The following STXBP5L variants were observed in gnomAD, a reference collection of about 807,000 sequenced individuals.
STXBP5L encodes the protein syntaxin binding protein 5L.
STXBP5L carries 65 observed loss-of-function variants against 144.5 expected under a neutral mutation model. That is an observed-to-expected ratio of 0.45 (90% CI 0.37 to 0.55). STXBP5L has a LOEUF of 0.55. STXBP5L is among the 20% of genes least tolerant of loss of function. STXBP5L has a pLI of 0.00. For synonymous variants in STXBP5L, 505 were observed against 469.6 expected (o/e 1.08, Z -0.97); for missense variants, 1,298 against 1,405.5 (o/e 0.92, Z 1.22).
rs185626936 is a variant in STXBP5L at position 121,247,569 on chromosome 3, G to T, written c.1401-3154G>T. ...TCCCAGTTATATGTGAGAACATGTG[G>T]TATTTAGTTTTCTGTTCCTGTGCTG... is the stretch of plus-strand genomic sequence containing the variant. On this transcript the variant is annotated intron_variant, in intron 14 of 26. Coordinates refer to ENST00000471454, the MANE Select transcript of STXBP5L (RefSeq NM_001308330.2). 2.6e-5 allele frequency among the ~76,000 whole-genome samples: 4 copies of T among 152,246 alleles called. No homozygotes were observed. In the East Asian group the frequency reaches 5.8e-4, roughly 22 times the overall value.
chr3:121,288,793 T>C (rs1301153353), intron 19 of STXBP5L, among the ~76,000 whole-genome samples: 1 of 152,256 alleles, frequency 6.6e-6, no homozygotes, highest in Non-Finnish European at 1.5e-5. Context: ...GAAGGTTGTC[T>C]GTATACTCTG....
At chr3:121,215,033 T>A (rs2048724504) in intron 10 of STXBP5L, among the ~76,000 whole-genome samples, 1 of 152,170 alleles carries the variant, frequency 6.6e-6, no homozygotes, top group African/African-American at 2.4e-5. Context: ...CCCCTGCTTT[T>A]TTTTTTCTTT....
At chr3:121,319,471 A>G (rs2043897173) in intron 20 of STXBP5L, among the ~76,000 whole-genome samples, 1 of 152,160 alleles carries the variant, frequency 6.6e-6, no homozygotes, top group Non-Finnish European at 1.5e-5. Flanking sequence ...AATCTAGGCT[A>G]TGTATAATCT....
At chr3:120,977,644 G>T (rs968898954) in intron 3 of STXBP5L, among the ~76,000 whole-genome samples, 1 of 152,080 alleles carries the variant, frequency 6.6e-6, no homozygotes, top group African/African-American at 2.4e-5. Flanking sequence ...TAGCTTCGAT[G>T]GTCTTTACAA....
At chr3:121,062,501 G>C (rs544648906) in intron 5 of STXBP5L, among the ~76,000 whole-genome samples, 23 of 152,334 alleles carry the variant, frequency 1.5e-4, no homozygotes, top group African/African-American at 5.1e-4. Flanking sequence ...TTCTCAAGGA[G>C]TATCTTTGTG....
chr3:121,315,510 C>G (rs2043752903), intron 19 of STXBP5L, among the ~76,000 whole-genome samples: 1 of 150,536 alleles, frequency 6.6e-6, no homozygotes, highest in South Asian at 2.1e-4. Flanking sequence ...GGAGGGATAG[C>G]ATTAGGAGAT....
At chr3:120,980,328 C>A (rs1423964580) in intron 3 of STXBP5L, among the ~76,000 whole-genome samples, 1 of 152,024 alleles carries the variant, frequency 6.6e-6, no homozygotes, top group African/African-American at 2.4e-5. Context: ...GTTGAAATCC[C>A]CCACTATTAT....
chr3:121,345,705 C>G (rs934194530), intron 20 of STXBP5L, among the ~76,000 whole-genome samples: 2 of 152,080 alleles, frequency 1.3e-5, no homozygotes, highest in Non-Finnish European at 2.9e-5. Flanking sequence ...GCCATTCTAA[C>G]TGGCATGAGA....
intron 11 of STXBP5L, among the ~76,000 whole-genome samples, chr3:121,229,100 G>A (rs2049217814): frequency 6.6e-6 from 1 of 151,998 alleles, no homozygotes; most frequent in African/African-American, 2.4e-5. Flanking sequence ...ACCATCTATG[G>A]ATTACTGAGA....
chr3:121,106,587 G>A (rs1049322639), intron 5 of STXBP5L, among the ~76,000 whole-genome samples: 1 of 151,916 alleles, frequency 6.6e-6, no homozygotes, highest in Non-Finnish European at 1.5e-5. Context: ...ATTCTTTTTT[G>A]GCTGCATAGT....
chr3:121,054,068 A>C (rs376868071), intron 5 of STXBP5L, among the ~76,000 whole-genome samples: 1 of 151,868 alleles, frequency 6.6e-6, no homozygotes, highest in Admixed American at 6.6e-5. Flanking sequence ...TTAGAATGGC[A>C]ATCATTAAAA....
chr3:121,316,268 G>T (rs1332487193), intron 19 of STXBP5L, among the ~76,000 whole-genome samples: 5 of 152,150 alleles, frequency 3.3e-5, no homozygotes, highest in Non-Finnish European at 7.4e-5. Flanking sequence ...TCCATATTCA[G>T]TTCAGTTCCT....
intron 7 of STXBP5L, among the ~76,000 whole-genome samples, chr3:121,147,158 C>G (rs964897464): frequency 6.6e-6 from 1 of 152,024 alleles, no homozygotes; most frequent in African/African-American, 2.4e-5. Context: ...GCAGACCACA[C>G]ATTATTTTCA....
chr3:120,994,328 T>A (rs1943168813), intron 3 of STXBP5L, among the ~76,000 whole-genome samples: 1 of 152,100 alleles, frequency 6.6e-6, no homozygotes, highest in South Asian at 2.1e-4. Context: ...TACTATGTTT[T>A]ATGGATGTGG....
intron 20 of STXBP5L, among the ~76,000 whole-genome samples, chr3:121,367,602 T>TTG (rs2045900250): frequency 7.2e-6 from 1 of 138,708 alleles, no homozygotes; most frequent in South Asian, 2.4e-4. Context: ...CTTGTTTTTT[T>TTG]TTTTTTTTTT....
At chr3:120,984,348 G>A (rs1305127059) in intron 3 of STXBP5L, among the ~76,000 whole-genome samples, 3 of 152,140 alleles carry the variant, frequency 2.0e-5, no homozygotes, top group Non-Finnish European at 2.9e-5. Flanking sequence ...GAGTTCTGGT[G>A]AACTCAGGAT....
intron 5 of STXBP5L, among the ~76,000 whole-genome samples, chr3:121,083,886 G>A (rs1374370599): frequency 2.0e-5 from 3 of 152,098 alleles, no homozygotes; most frequent in Admixed American, 1.3e-4. Flanking sequence ...ATGTATTTGT[G>A]TGGAGTTGTT....
intron 20 of STXBP5L, among the ~76,000 whole-genome samples, chr3:121,352,809 G>T (rs1293751069): frequency 6.6e-6 from 1 of 152,018 alleles, no homozygotes; most frequent in East Asian, 1.9e-4. Flanking sequence ...TATGATATTG[G>T]GTGTGGGTTT....
intron 9 of STXBP5L, among the ~76,000 whole-genome samples, chr3:121,192,222 T>A (rs2047724646): frequency 6.6e-6 from 1 of 152,176 alleles, no homozygotes; most frequent in Non-Finnish European, 1.5e-5. Context: ...CCATTCACAA[T>A]TGCTTCAAAG....
Sources: gnomAD v4.1 joint callset for allele counts (sites outside exome capture counted in the v4.1 genomes callset) on GRCh38, gnomAD v4.1.1 for gene constraint, MANE v1.5 for transcripts, NCBI Gene and HGNC (gene_info 2026-07-23, HGNC 2026-07-21) for gene names.